The following ATR variants were observed in gnomAD, a reference collection of about 807,000 sequenced individuals.
ATR encodes serine/threonine-protein kinase ATR.
ATR carries 142 observed loss-of-function variants against 305.3 expected under a neutral mutation model. That is an observed-to-expected ratio of 0.47 (90% CI 0.41 to 0.53). The LOEUF is 0.53. Ranked by LOEUF, ATR falls within the 20% of genes least tolerant of loss-of-function variation. The pLI is 0.00. For synonymous variants in ATR, 1,050 were observed against 1,068.1 expected, an observed-to-expected ratio of 0.98 and a Z score of 0.33; for missense variants, 2,135 against 3,133.1, an observed-to-expected ratio of 0.68 and a Z score of 7.60.
intron 1 of ATR, among the ~76,000 whole-genome samples, chr3:142,568,836 C>T (rs2035165598): frequency 6.6e-6 from 1 of 152,224 alleles, no homozygotes; most frequent in African/African-American, 2.4e-5. Flanking sequence ...GTGCTCAGGA[C>T]GGCACTGACA....
At chr3:142,475,015 G>C (rs2071400104) in intron 36 of ATR, among the ~76,000 whole-genome samples, 1 of 151,812 alleles carries the variant, frequency 6.6e-6, no homozygotes, top group Admixed American at 6.6e-5. Flanking sequence ...AGGGATAGAG[G>C]GGTGACATAA....
chr3:142,566,709 A>G (rs193110320), intron 2 of ATR, among the ~76,000 whole-genome samples: 2 of 151,724 alleles, frequency 1.3e-5, no homozygotes, highest in African/African-American at 4.8e-5. Flanking sequence ...ACAGCACTCA[A>G]CAACATTCAA....
At chr3:142,541,964 C>T (rs1228181038) in intron 17 of ATR, among the ~76,000 whole-genome samples, 1 of 151,944 alleles carries the variant, frequency 6.6e-6, no homozygotes, top group African/African-American at 2.4e-5. Context: ...ATCTTACTGA[C>T]TGCAGAGGTG....
chr3:142,471,391 G>C (rs535248713), intron 36 of ATR, among the ~76,000 whole-genome samples: 1 of 152,180 alleles, frequency 6.6e-6, no homozygotes, highest in East Asian at 1.9e-4. Context: ...TAGCTATTAT[G>C]AATAATGTTG....
intron 17 of ATR, among the ~76,000 whole-genome samples, chr3:142,541,452 C>A (rs984997477): frequency 6.6e-6 from 1 of 152,100 alleles, no homozygotes. Flanking sequence ...AAATGGAATA[C>A]TTCCTAGTAA....
At chr3:142,477,723 G>T (rs996840141) in intron 36 of ATR, among the ~76,000 whole-genome samples, 7 of 152,100 alleles carry the variant, frequency 4.6e-5, no homozygotes, top group Non-Finnish European at 7.4e-5. Context: ...ATCTGGTCCT[G>T]GACTTTTTTT....
chr3:142,512,220 T>TAAAAAAA lies in ATR; in HGVS notation c.4852+33_4852+39dup, dbSNP rs74269486. On this transcript the variant is annotated intron_variant, in intron 27 of 46. Coordinates refer to ENST00000350721, the MANE Select transcript of ATR (RefSeq NM_001184.4). ...AGGGAAGAGCTAATTGGTGAATAGCTAAAAAAAAAAAAAAAAAAGAAACAG... is the reference window on the plus strand; with the variant it reads ...AGGGAAGAGCTAATTGGTGAATAGCTAAAAAAAAAAAAAAAAAAAAAAAAAGAAACAG... 34 of 1,245,942 alleles carry TAAAAAAA rather than the reference T, an allele frequency of 2.7e-5. 1 individual carries two copies. Among genetic ancestry groups the TAAAAAAA allele is most frequent in the Admixed American group, 6.5e-5 (3 of 45,870 alleles). 77.2% of individuals were successfully genotyped at this position (1,245,942 alleles called of 1,614,324 possible). A position where few individuals can be genotyped will look rare whatever the true frequency, so the allele number is the denominator to read the frequency against.
chr3:142,473,905 G>C (rs139143110), intron 36 of ATR, among the ~76,000 whole-genome samples: 213 of 149,548 alleles, frequency 1.4e-3, no homozygotes, highest in African/African-American at 4.4e-3. Context: ...CAAATTTTAG[G>C]ATTTTTTTTT....
chr3:142,506,701 A>G (rs999058365), intron 28 of ATR, among the ~76,000 whole-genome samples: 9 of 152,138 alleles, frequency 5.9e-5, no homozygotes, highest in Non-Finnish European at 1.3e-4. Context: ...TAAATAAATA[A>G]ATAAAATAAC....
At chr3:142,561,951 TTTAA>T (rs1179140852) in intron 4 of ATR, among the ~76,000 whole-genome samples, 4 of 152,180 alleles carry the variant, frequency 2.6e-5, no homozygotes, top group African/African-American at 9.6e-5. Flanking sequence ...ACTGCCCCCT[TTTAA>T]TTAATAATGC....
At chr3:142,548,773 A>C (rs1162226379) in intron 15 of ATR, among the ~76,000 whole-genome samples, 1 of 152,150 alleles carries the variant, frequency 6.6e-6, no homozygotes, top group Non-Finnish European at 1.5e-5. Context: ...TCTGACATGT[A>C]TTAAATACTC....
chr3:142,511,796 G>A (rs2032582883), intron 27 of ATR, among the ~76,000 whole-genome samples: 1 of 151,996 alleles, frequency 6.6e-6, no homozygotes, highest in African/African-American at 2.4e-5. Flanking sequence ...TCAGTGAAAA[G>A]GCCACACTAT....
chr3:142,553,880 CCA>C lies in ATR; in HGVS notation c.2475_2476del (p.Ser825ArgfsTer13). 1 of 1,613,564 alleles carries C rather than the reference CCA, an allele frequency of 6.2e-7. No homozygotes were observed. The highest frequency in any genetic ancestry group is 8.5e-7 in the Non-Finnish European group (1 of 1,179,698). On this transcript the variant is annotated frameshift_variant, in exon 11 of 47. Transcript: ENST00000350721. LOFTEE classifies it high-confidence loss of function. ...GGATTCCAATATGTGCTTGATATTT[CCA>C]CTAAAAGCCACTCTAACATCTTTGT...
Position 142,563,044 on chromosome 3 carries a change from G to A in ATR, c.358C>T (p.His120Tyr), listed in dbSNP as rs777916915. ...IAATPSCHLL[H>Y]KKICEVICSL... ...CAGATGACTTCACAGATTTTCTTGT[G>A]TAACAAATGACAGGAGGGAGTTGCT... The change falls in exon 4 of 47, where the codon CAC (histidine) becomes TAC (tyrosine). Residue 120 changes from histidine (H) to tyrosine (Y), a missense_variant. His to Tyr is a moderately conservative substitution (Grantham distance 83). This residue lies in a region of ATR where 744 missense variants were observed against 873.2 expected (regional missense o/e 0.85). Coordinates refer to ENST00000350721, the MANE Select transcript of ATR (RefSeq NM_001184.4). 3 of 1,599,760 alleles carry A rather than the reference G, an allele frequency of 1.9e-6. No homozygotes were observed. Among genetic ancestry groups the A allele is most frequent in the Non-Finnish European group, 2.6e-6 (3 of 1,175,694 alleles).
At chr3:142,469,312 A>G (rs200163311) in intron 38 of ATR, 25 bp downstream of exon 38, 17 of 1,568,810 alleles carry the variant, frequency 1.1e-5, no homozygotes, top group South Asian at 2.2e-5. Context: ...ATCTTTTCAT[A>G]TAAAAAGGTA....
Position 142,561,098 on chromosome 3 carries a change from A to T in ATR, c.1349+145T>A, listed in dbSNP as rs542275988. ...ACTACTAACCGTCTACAATAATTATAAAAATATTTTAAGCACTCCCTTGGC... is the reference window on the plus strand; with the variant it reads ...ACTACTAACCGTCTACAATAATTATTAAAATATTTTAAGCACTCCCTTGGC... On this transcript the variant is annotated intron_variant, in intron 5 of 46. Transcript: ENST00000350721. 5.4e-5 allele frequency: 45 copies of T among 829,292 alleles called. No homozygotes were observed. The Middle Eastern group carries it at 1.1e-3, about 20-fold the overall frequency. 51.4% of individuals were successfully genotyped at this position (829,292 alleles called of 1,614,324 possible).
chr3:142,493,012 AC>A (rs2031378589), intron 35 of ATR, 119 bp downstream of exon 35: 1 of 920,302 alleles, frequency 1.1e-6, no homozygotes, highest in Non-Finnish European at 1.6e-6. Flanking sequence ...ATACTTATAT[AC>A]TCACTGAAAA....
rs1202491832 is a variant in ATR at position 142,558,549 on chromosome 3, AATAAATAAATAG to A, written c.1885+63_1885+74del. The A allele has an allele frequency of 3.7e-5, 40 of 1,083,528 alleles. No individual in the cohort carries two copies. In the African/African-American group the frequency reaches 6.7e-4, roughly 18 times the overall value. The allele number at this position is 1,083,528 out of a possible 1,614,324, so 67.1% of individuals were successfully genotyped here. Reference sequence around the variant, plus strand: ...AAATAAATAAATAAATAAATAAATAAATAAATAAATAGATAGATAGATAGATAGATAGATAAA... The same window carrying A: ...AAATAAATAAATAAATAAATAAATAAATAGATAGATAGATAGATAGATAAA... On this transcript the variant is annotated intron_variant, in intron 8 of 46. Transcript: ENST00000350721.
intron 24 of ATR, among the ~76,000 whole-genome samples, chr3:142,518,613 T>C (rs1040655069): frequency 6.6e-6 from 1 of 152,214 alleles, no homozygotes; most frequent in Admixed American, 6.5e-5. Context: ...TCATAAGACA[T>C]AAAATGATGT....
Sources: gnomAD v4.1 joint callset for allele counts (sites outside exome capture counted in the v4.1 genomes callset) on GRCh38, gnomAD v4.1.1 for gene constraint, gnomAD v4.1.1 regional missense constraint, MANE v1.5 for transcripts, NCBI Gene and HGNC (gene_info 2026-07-23, HGNC 2026-07-21) for gene names.